The following GRIP1 variants were observed in gnomAD, a reference collection of about 807,000 sequenced individuals.
GRIP1 encodes the protein glutamate receptor-interacting protein 1.
GRIP1 carries 45 observed loss-of-function variants against 129.9 expected under a neutral mutation model. That is an observed-to-expected ratio of 0.35 (90% CI 0.27 to 0.44). GRIP1 has a LOEUF of 0.44. GRIP1 is among the 20% of genes least tolerant of loss of function. GRIP1 has a pLI of 1.00. For synonymous variants in GRIP1, 530 were observed against 520.8 expected (o/e 1.02, Z -0.24); for missense variants, 1,196 against 1,396.8 (o/e 0.86, Z 2.29).
intron 1 of GRIP1, among the ~76,000 whole-genome samples, chr12:66,634,715 G>A (rs1008720739): frequency 5.9e-5 from 9 of 152,206 alleles, no homozygotes; most frequent in Admixed American, 2.6e-4. Flanking sequence ...AAGTCATATA[G>A]ATTATCTAAT....
rs117318170 is a variant in GRIP1, at chr12:66,730,254, G to T, written c.-420+73799C>A. ...TTAAAAAGCACAAACATTTCCTAGC[G>T]TCATAAACAGCTCCACCACTCTGAA... On this transcript the variant is annotated intron_variant, in intron 1 of 4. Coordinates refer to the GRIP1 transcript ENST00000538373. Among the ~76,000 whole-genome samples the T allele has an allele frequency of 2.5e-4, 38 of 152,048 alleles. 1 individual carries two copies. Among genetic ancestry groups the T allele is most frequent in the Admixed American group, 2.5e-3 (38 of 15,262 alleles).
At position 67,016,991 on chromosome 12, in the gene GRIP1, T is replaced by C. The variant is rs145629965; in HGVS notation, c.58+52059A>G. 1.2e-4 allele frequency among the ~76,000 whole-genome samples: 19 copies of C among 152,326 alleles called. No homozygotes were observed. The East Asian group carries it at 2.9e-3, about 23-fold the overall frequency. ...TTTAATAACCTAAGAACATCAGTGC[T>C]GGTGCTTCTGTCTTCCACTCTCTTC... is the stretch of plus-strand genomic sequence containing the variant. On this transcript the variant is annotated intron_variant, in intron 1 of 1. Coordinates refer to the GRIP1 transcript ENST00000643019.
At chr12:67,016,358 T>C (rs1417686388) in intron 1 of GRIP1, among the ~76,000 whole-genome samples, 4 of 152,170 alleles carry the variant, frequency 2.6e-5, no homozygotes, top group Non-Finnish European at 5.9e-5. Context: ...AATTCTGAAA[T>C]AATCACTAAT....
At chr12:67,048,548 C>T (rs2043291014) in intron 1 of GRIP1, among the ~76,000 whole-genome samples, 1 of 152,048 alleles carries the variant, frequency 6.6e-6, no homozygotes, top group Non-Finnish European at 1.5e-5. Flanking sequence ...GCATCCTCAG[C>T]CTCCCAGACT....
At chr12:66,669,548 A>G (rs2033971773) in intron 1 of GRIP1, among the ~76,000 whole-genome samples, 1 of 152,212 alleles carries the variant, frequency 6.6e-6, no homozygotes. Context: ...ATGGTTGTAT[A>G]CAGATAAACA....
chr12:66,952,154 G>A (rs1268215912), intron 1 of GRIP1, among the ~76,000 whole-genome samples: 6 of 152,104 alleles, frequency 3.9e-5, no homozygotes, highest in Non-Finnish European at 8.8e-5. Context: ...GAAGCAACGG[G>A]ATTGAGCCTT....
chr12:66,736,578 G>A (rs1405739245), intron 1 of GRIP1, among the ~76,000 whole-genome samples: 1 of 151,696 alleles, frequency 6.6e-6, no homozygotes, highest in Non-Finnish European at 1.5e-5. Flanking sequence ...TTGTCTTTAT[G>A]TTCAGTAGGC....
intron 20 of GRIP1, among the ~76,000 whole-genome samples, chr12:66,378,650 G>A (rs2055936437): frequency 6.0e-5 from 9 of 150,434 alleles, no homozygotes; most frequent in Admixed American, 5.3e-4. Context: ...GGGAGGCTGA[G>A]ACGAGAATCA....
intron 1 of GRIP1, among the ~76,000 whole-genome samples, chr12:67,053,837 C>A (rs2043387609): frequency 7.0e-6 from 1 of 142,698 alleles, no homozygotes; most frequent in African/African-American, 2.6e-5. Flanking sequence ...GACTCCATCT[C>A]AAAAAAAAAA....
At chr12:66,881,708 A>C (rs986502395) in intron 1 of GRIP1, among the ~76,000 whole-genome samples, 1 of 152,112 alleles carries the variant, frequency 6.6e-6, no homozygotes, top group African/African-American at 2.4e-5. Context: ...ATTTCCAGCA[A>C]AGTTATCTAC....
intron 23 of GRIP1, among the ~76,000 whole-genome samples, chr12:66,370,796 G>C (rs1465005931): frequency 1.3e-5 from 2 of 152,174 alleles, no homozygotes; most frequent in Admixed American, 1.3e-4. Flanking sequence ...AACCCTGCCA[G>C]CAAATCTTGA....
At chr12:66,773,188 T>C (rs1052211285) in intron 1 of GRIP1, among the ~76,000 whole-genome samples, 2 of 152,190 alleles carry the variant, frequency 1.3e-5, no homozygotes, top group African/African-American at 4.8e-5. Flanking sequence ...TTGAGGTTAA[T>C]GATGTTATGT....
chr12:66,703,567 T>C (rs1379086479), intron 1 of GRIP1, among the ~76,000 whole-genome samples: 1 of 151,920 alleles, frequency 6.6e-6, no homozygotes, highest in Non-Finnish European at 1.5e-5. Context: ...CCAAGGAATA[T>C]GAATGACAGA....
In GRIP1 at chr12:67,037,329, A is replaced by AAATAATAATAATAAGAAT. The variant is rs2043112423; in HGVS notation, c.58+31720_58+31721insATTCTTATTATTATTATT. On this transcript the variant is annotated intron_variant, in intron 1 of 1. Transcript: ENST00000643019. ...GGCAACAGAGTGAGACTCTGCCTGA[A>AAATAATAATAATAAGAAT]AATAATAATAATAATAATAATAATA... 3 of 139,182 alleles carry AAATAATAATAATAAGAAT rather than the reference A, an allele frequency of 2.2e-5. No homozygotes were observed. The South Asian group carries it at 7.2e-4, about 33-fold the overall frequency. 8.6% of individuals were successfully genotyped at this position (139,182 alleles called of 1,614,324 possible). A position where few individuals can be genotyped will look rare whatever the true frequency, so the allele number is the denominator to read the frequency against.
At chr12:66,565,317 G>A (rs1170859389) in intron 2 of GRIP1, among the ~76,000 whole-genome samples, 1 of 152,158 alleles carries the variant, frequency 6.6e-6, no homozygotes, top group Non-Finnish European at 1.5e-5. Context: ...GTAAGGAAGG[G>A]ATCCAGTTTC....
intron 1 of GRIP1, among the ~76,000 whole-genome samples, chr12:66,975,135 G>A (rs1397752505): frequency 6.6e-6 from 1 of 152,130 alleles, no homozygotes; most frequent in African/African-American, 2.4e-5. Flanking sequence ...TAGAAAAAAA[G>A]GCAGGAATAT....
At chr12:66,363,533 G>A (rs1277286891) in intron 23 of GRIP1, among the ~76,000 whole-genome samples, 1 of 151,516 alleles carries the variant, frequency 6.6e-6, no homozygotes, top group Admixed American at 6.6e-5. Context: ...TTACAGGTGT[G>A]AGCCACTGCA....
At chr12:66,639,380 G>A (rs891393961) in intron 1 of GRIP1, among the ~76,000 whole-genome samples, 3 of 152,150 alleles carry the variant, frequency 2.0e-5, no homozygotes, top group Non-Finnish European at 4.4e-5. Flanking sequence ...TGCATTGGGG[G>A]AGGGCGTTCC....
intron 1 of GRIP1, among the ~76,000 whole-genome samples, chr12:67,051,226 G>A (rs796514612): frequency 1.3e-5 from 2 of 152,040 alleles, no homozygotes; most frequent in East Asian, 1.9e-4. Flanking sequence ...CACCAAGATC[G>A]GGGCTGGACT....
Sources: allele counts gnomAD v4.1 joint callset (sites outside exome capture counted in the v4.1 genomes callset), GRCh38; gene constraint gnomAD v4.1.1; transcripts MANE v1.5; gene names NCBI Gene and HGNC (gene_info 2026-07-23, HGNC 2026-07-21).